Variants in ZNF514 observed in about 807,000 individuals in gnomAD.
ZNF514 encodes the protein zinc finger protein 514.
ZNF514 carries 12 observed loss-of-function variants against 9.7 expected under a neutral mutation model. The observed-to-expected ratio is 1.24, with a 90% CI of 0.79 to 2.01. ZNF514 has a LOEUF of 2.01. ZNF514 is among the 30% of genes most tolerant of loss of function. The pLI is 0.00. For synonymous variants in ZNF514, 158 were observed against 163.7 expected (o/e 0.97, Z 0.27); for missense variants, 467 against 465.5 (o/e 1.00, Z -0.03).
chr2:95,129,407 G>T, the ZNF514 span, among the ~76,000 whole-genome samples: 1 of 152,110 alleles, frequency 6.6e-6, no homozygotes. Flanking sequence ...TTCTCGACAG[G>T]TGTGATGAAG....
At chr2:95,138,633 A>G in the ZNF514 span, among the ~76,000 whole-genome samples, 3 of 152,222 alleles carry the variant, frequency 2.0e-5, no homozygotes, top group Admixed American at 6.5e-5. Context: ...AAGCAAATAC[A>G]TGACTTAAAG....
At chr2:95,127,595 GTTTTTGTT>G in the ZNF514 span, among the ~76,000 whole-genome samples, 10 of 151,496 alleles carry the variant, frequency 6.6e-5, no homozygotes, top group Non-Finnish European at 1.3e-4. Context: ...TTTTGTTTTT[GTTTTTGTT>G]TTTTTGTTTT....
chr2:95,127,261 C>T, the ZNF514 span, among the ~76,000 whole-genome samples: 1 of 152,204 alleles, frequency 6.6e-6, no homozygotes, highest in African/African-American at 2.4e-5. Context: ...TCACTCAAGT[C>T]TGGGAATTGA....
intron 4 of ZNF514, 56 bp downstream of exon 4, chr2:95,152,618 T>TACCTCCCACCCCAGCTGGGCC (rs1673573344): frequency 6.8e-7 from 1 of 1,477,236 alleles, no homozygotes; most frequent in East Asian, 2.3e-5. Flanking sequence ...GGCTCTGGGC[T>TACCTCCCACCCCAGCTGGGCC]ACCTCCCACC....
Position 95,159,265 on chromosome 2 carries a change from C to CTTGTTT in ZNF514, c.-122_-121insAAACAA. The CTTGTTT allele has an allele frequency of 5.4e-6, 1 of 184,506 alleles. No individual in the cohort carries two copies. The highest frequency in any genetic ancestry group is 1.1e-5 in the Non-Finnish European group (1 of 87,038). The allele number at this position is 184,506 out of a possible 1,614,324, so 11.4% of individuals were successfully genotyped here. Reference sequence around the variant, plus strand: ...CCCCGGCTCGGCTCCTCCTCAGGACCAGGCTCTGGAACCCAGCTCCCACGT... The same window carrying CTTGTTT: ...CCCCGGCTCGGCTCCTCCTCAGGACCTTGTTTAGGCTCTGGAACCCAGCTCCCACGT... On this transcript the variant is annotated 5_prime_UTR_variant, in exon 1 of 5. Coordinates refer to ENST00000295208, the MANE Select transcript of ZNF514 (RefSeq NM_032788.3).
At chr2:95,133,439 G>A in the ZNF514 span, among the ~76,000 whole-genome samples, 1 of 152,236 alleles carries the variant, frequency 6.6e-6, no homozygotes. Context: ...GACCAGATGA[G>A]TGGTTGTCAG....
chr2:95,155,180 C>T (rs1288517816), intron 2 of ZNF514: 1 of 152,164 alleles, frequency 6.6e-6, no homozygotes, highest in Non-Finnish European at 1.5e-5. Flanking sequence ...CTGCTTTGCC[C>T]CCAAGAAAGC....
rs1255554849 is a variant in ZNF514 at position 95,148,927 on chromosome 2, C to A, written c.*355G>T. 2 of 205,610 alleles carry A rather than the reference C, an allele frequency of 9.7e-6. No homozygotes were observed. The highest frequency in any genetic ancestry group is 1.9e-5 in the Non-Finnish European group (2 of 103,138). The allele number at this position is 205,610 out of a possible 1,614,324, so 12.7% of individuals were successfully genotyped here. A position where few individuals can be genotyped will look rare whatever the true frequency, so the allele number is the denominator to read the frequency against. On this transcript the variant is annotated 3_prime_UTR_variant, in exon 5 of 5. Transcript: ENST00000295208. ...TCTCCAGTACAAGTTATCTGATTTTCTTAAAGAATCAGTATGTAACTGAAG... is the reference window on the plus strand; with the variant it reads ...TCTCCAGTACAAGTTATCTGATTTTATTAAAGAATCAGTATGTAACTGAAG...
intron 2 of ZNF514, among the ~76,000 whole-genome samples, chr2:95,156,318 TC>T (rs1367811507): frequency 6.6e-6 from 1 of 152,154 alleles, no homozygotes; most frequent in Non-Finnish European, 1.5e-5. Context: ...TGAGGGCCAG[TC>T]ACCATGATCC....
chr2:95,152,767 G>C lies in ZNF514; in HGVS notation c.124C>G (p.Leu42Val). The C allele has an allele frequency of 6.2e-7, 1 of 1,613,988 alleles. No homozygotes were observed. Among genetic ancestry groups the C allele is most frequent in the Non-Finnish European group, 8.5e-7 (1 of 1,179,886 alleles). ...ATCACATATGGTTTGGATACTAGAA[G>C]GCCTGATGGTAGAGAAGGAAAAGGA... ...ENFRNLAILG[L>V]LVSKPYVICQ... is the part of the protein sequence containing the mutation. Residue 42 changes from leucine to valine, a missense_variant and splice_region_variant, in exon 4 of 5, where the codon CTT (leucine) becomes GTT (valine). By Grantham distance (32) the Leu-to-Val change is conservative. Transcript: ENST00000295208.
intron 1 of ZNF514, chr2:95,158,862 T>C (rs1266278827): frequency 7.8e-7 from 1 of 1,289,530 alleles, no homozygotes; most frequent in South Asian, 1.2e-5. Context: ...AGCCTCACCC[T>C]TCAGTGGGAT....
chr2:95,158,944 C>G (rs1673761069), intron 1 of ZNF514: 2 of 1,289,674 alleles, frequency 1.6e-6, no homozygotes, highest in Non-Finnish European at 2.0e-6. Context: ...TCCTGGCCCT[C>G]TGCACGCTCC....
At chr2:95,157,247 T>C (rs961842646) in intron 2 of ZNF514, 104 bp downstream of exon 2, 89 of 643,670 alleles carry the variant, frequency 1.4e-4, no homozygotes, top group Non-Finnish European at 1.4e-4. Context: ...AGAGACAGCA[T>C]TGGGTCAGTT....
Position 95,149,083 on chromosome 2 carries a change from C to CTCACTAGT in ZNF514, c.*198_*199insACTAGTGA, listed in dbSNP as rs1673442607. 1.7e-6 allele frequency: 1 copy of CTCACTAGT among 605,642 alleles called. No individual in the cohort carries two copies. The highest frequency in any genetic ancestry group is 3.4e-5 in the Admixed American group (1 of 29,170). The allele number at this position is 605,642 out of a possible 1,614,324, so 37.5% of individuals were successfully genotyped here. A position where few individuals can be genotyped will look rare whatever the true frequency, so the allele number is the denominator to read the frequency against. On this transcript the variant is annotated 3_prime_UTR_variant, in exon 5 of 5. Transcript: ENST00000295208. Reference sequence around the variant, plus strand: ...ACGTGGTTTCTCACTAGTATGGATTCTCCCATGTTTGGTAAGAGAGGGGAA... The same window carrying CTCACTAGT: ...ACGTGGTTTCTCACTAGTATGGATTCTCACTAGTTCCCATGTTTGGTAAGAGAGGGGAA...
chr2:95,155,660 A>G (rs1473278884), intron 2 of ZNF514: 1 of 152,220 alleles, frequency 6.6e-6, no homozygotes, highest in Non-Finnish European at 1.5e-5. Flanking sequence ...GTGAACATCT[A>G]TGGGTAAGAA....
chr2:95,145,244 C>A lies in ZNF514; in HGVS notation c.*4038G>T, dbSNP rs1198945095. ...AGTAAACCTGAAACACTAGCTCAGG[C>A]CATGATGGGAATGGGTGGTCAGACA... On this transcript the variant is annotated 3_prime_UTR_variant, in exon 5 of 5. Coordinates refer to ENST00000295208, the MANE Select transcript of ZNF514 (RefSeq NM_032788.3). Among the ~76,000 whole-genome samples, 1 of 152,152 alleles carries A rather than the reference C, an allele frequency of 6.6e-6. No homozygotes were observed. The highest frequency in any genetic ancestry group is 1.9e-4 in the East Asian group (1 of 5,184).
At chr2:95,130,240 G>A in the ZNF514 span, among the ~76,000 whole-genome samples, 1 of 152,128 alleles carries the variant, frequency 6.6e-6, no homozygotes, top group Non-Finnish European at 1.5e-5. Context: ...GAATAGGTGT[G>A]GGTGACAGAC....
At position 95,149,270 on chromosome 2, in the gene ZNF514, T is replaced by C. The variant is rs752698152; in HGVS notation, c.*12A>G. 22 of 1,552,478 alleles carry C rather than the reference T, an allele frequency of 1.4e-5. No homozygotes were observed. Among genetic ancestry groups the C allele is most frequent in the East Asian group, 2.2e-5 (1 of 44,464 alleles). ...TGCACTCCAGCTGAAAGCCCTTCTA[T>C]ATTCACTGAATTTATAGGGTTTTTT... On this transcript the variant is annotated 3_prime_UTR_variant, in exon 5 of 5. Transcript: ENST00000295208.
the ZNF514 span, among the ~76,000 whole-genome samples, chr2:95,137,991 T>G: frequency 6.6e-6 from 1 of 152,180 alleles, no homozygotes; most frequent in Non-Finnish European, 1.5e-5. Context: ...CACTCCTGTT[T>G]TCACCATGTG....
Sources: gnomAD v4.1 joint callset for allele counts (sites outside exome capture counted in the v4.1 genomes callset) on GRCh38, gnomAD v4.1.1 for gene constraint, MANE v1.5 for transcripts, NCBI Gene and HGNC (gene_info 2026-07-23, HGNC 2026-07-21) for gene names.